GRID2: variants seen among roughly 807,000 people sequenced by gnomAD.
GRID2 encodes glutamate ionotropic receptor delta type subunit 2.
In GRID2, 33 loss-of-function variants were observed where a neutral mutation model predicts 114.8. The ratio of observed to expected loss-of-function variants is 0.29; its 90% confidence interval spans 0.22 to 0.38. GRID2 has a LOEUF of 0.38. GRID2 is among the 10% of genes least tolerant of loss of function. The pLI is 1.00. For missense variants in GRID2, 1,184 were observed against 1,257.7 expected (o/e 0.94, Z 0.89); for synonymous variants, 505 against 449.9 (o/e 1.12, Z -1.55).
Position 92,779,041 on chromosome 4 carries a change from T to C in GRID2, c.244+188755T>C, listed in dbSNP as rs1738939113. ...CACTGGAAATTTTCATTCTATCATA[T>C]GTATGAAATGTAAGGCAATATCAAA... On this transcript the variant is annotated intron_variant, in intron 2 of 15. Coordinates refer to ENST00000282020, the MANE Select transcript of GRID2 (RefSeq NM_001510.4). Among the ~76,000 whole-genome samples the C allele has an allele frequency of 2.0e-5, 3 of 152,068 alleles. No individual in the cohort carries two copies. The South Asian group carries it at 6.2e-4, about 31-fold the overall frequency.
At chr4:92,568,690 C>T (rs1727469847) in intron 1 of GRID2, among the ~76,000 whole-genome samples, 1 of 151,884 alleles carries the variant, frequency 6.6e-6, no homozygotes, top group South Asian at 2.1e-4. Context: ...GCCTAGTACC[C>T]ATTAGTTACA....
At chr4:93,648,405 G>T (rs190881864) in intron 14 of GRID2, among the ~76,000 whole-genome samples, 11 of 152,244 alleles carry the variant, frequency 7.2e-5, no homozygotes, top group Non-Finnish European at 1.3e-4. Context: ...AGAGGAAGAG[G>T]CTTTAGTAAA....
At chr4:92,735,375 T>A (rs1018760950) in intron 2 of GRID2, among the ~76,000 whole-genome samples, 10 of 152,064 alleles carry the variant, frequency 6.6e-5, no homozygotes, top group Non-Finnish European at 2.9e-5. Context: ...ACTAATAAGA[T>A]ACAACAATTA....
In GRID2 at chr4:92,352,112, C is replaced by T. The variant is rs181209004; in HGVS notation, c.88+47368C>T. On this transcript the variant is annotated intron_variant, in intron 1 of 15. Transcript: ENST00000282020. ...CCACACTGGGTGTACTAATTCCCAT[C>T]AACAGTGTATTAGATTTCCCTTTTC... Among the ~76,000 whole-genome samples, 136 of 151,956 alleles carry T rather than the reference C, an allele frequency of 8.9e-4. 1 individual carries two copies. Among genetic ancestry groups the T allele is most frequent in the African/African-American group, 3.1e-3 (127 of 41,504 alleles).
intron 1 of GRID2, among the ~76,000 whole-genome samples, chr4:93,794,041 A>G (rs967722049): frequency 6.6e-6 from 1 of 152,068 alleles, no homozygotes; most frequent in South Asian, 2.1e-4. Flanking sequence ...AAAAAAGAAT[A>G]TGATTTACCT....
At chr4:92,546,237 T>C (rs139163902) in intron 1 of GRID2, among the ~76,000 whole-genome samples, 16 of 152,292 alleles carry the variant, frequency 1.1e-4, no homozygotes, top group Non-Finnish European at 1.8e-4. Context: ...ATTGTAGATG[T>C]TGTTTTTTAA....
chr4:92,820,623 T>A (rs1007080305), intron 2 of GRID2, among the ~76,000 whole-genome samples: 1 of 152,114 alleles, frequency 6.6e-6, no homozygotes, highest in African/African-American at 2.4e-5. Context: ...CAGAATCCTA[T>A]AAATACCCTG....
chr4:92,442,897 T>A (rs930432415), intron 1 of GRID2, among the ~76,000 whole-genome samples: 2 of 152,036 alleles, frequency 1.3e-5, no homozygotes, highest in East Asian at 1.9e-4. Context: ...GGAGGGCTAG[T>A]CATGGAAGGA....
chr4:93,756,508 T>C (rs1048419779), intron 14 of GRID2, among the ~76,000 whole-genome samples: 2 of 152,166 alleles, frequency 1.3e-5, no homozygotes. Context: ...TCTCTTGGCT[T>C]GTAGGGAAGC....
intron 13 of GRID2, among the ~76,000 whole-genome samples, chr4:93,553,843 G>T (rs1004599219): frequency 2.0e-5 from 3 of 152,112 alleles, no homozygotes; most frequent in African/African-American, 7.2e-5. Flanking sequence ...TTTCTAAGAT[G>T]TTAATCTTCT....
At chr4:93,337,424 G>A (rs1248116712) in intron 8 of GRID2, among the ~76,000 whole-genome samples, 1 of 152,158 alleles carries the variant, frequency 6.6e-6, no homozygotes, top group Non-Finnish European at 1.5e-5. Context: ...GTGACACAGA[G>A]GAGCCCACAT....
intron 13 of GRID2, among the ~76,000 whole-genome samples, chr4:93,583,249 T>C (rs1737165514): frequency 6.6e-6 from 1 of 152,128 alleles, no homozygotes; most frequent in Non-Finnish European, 1.5e-5. Context: ...TGGACATGAA[T>C]TTCGAGGGGG....
At chr4:92,879,737 A>G (rs1234549525) in intron 2 of GRID2, among the ~76,000 whole-genome samples, 1 of 152,258 alleles carries the variant, frequency 6.6e-6, no homozygotes, top group African/African-American at 2.4e-5. Flanking sequence ...CTTTAATCAC[A>G]TTCAAATGTT....
chr4:92,858,332 T>C (rs938943810), intron 2 of GRID2, among the ~76,000 whole-genome samples: 3 of 152,178 alleles, frequency 2.0e-5, no homozygotes, highest in African/African-American at 7.2e-5. Flanking sequence ...CTGGATGCCA[T>C]TCAGAACATT....
At chr4:92,438,527 T>C (rs1038128600) in intron 1 of GRID2, among the ~76,000 whole-genome samples, 2 of 152,056 alleles carry the variant, frequency 1.3e-5, no homozygotes, top group African/African-American at 4.8e-5. Flanking sequence ...CATTATACTG[T>C]AAGGATTCTA....
intron 2 of GRID2, among the ~76,000 whole-genome samples, chr4:92,732,228 G>C (rs1265717031): frequency 6.6e-6 from 1 of 151,794 alleles, no homozygotes; most frequent in East Asian, 1.9e-4. Context: ...AATTTTTTTA[G>C]TGTTCTGTCA....
intron 8 of GRID2, among the ~76,000 whole-genome samples, chr4:93,363,742 C>A (rs533546068): frequency 2.0e-5 from 3 of 152,074 alleles, no homozygotes; most frequent in African/African-American, 7.2e-5. Flanking sequence ...CTACAACAAT[C>A]TGTTTTTCTT....
intron 8 of GRID2, among the ~76,000 whole-genome samples, chr4:93,297,691 G>A (rs534071539): frequency 6.6e-6 from 1 of 152,218 alleles, no homozygotes; most frequent in South Asian, 2.1e-4. Context: ...AGGGCCTAAT[G>A]TTGTGCCAGC....
intron 8 of GRID2, among the ~76,000 whole-genome samples, chr4:93,240,380 A>G (rs527355711): frequency 5.3e-5 from 8 of 151,692 alleles, no homozygotes; most frequent in Non-Finnish European, 1.0e-4. Flanking sequence ...TGATTATGAA[A>G]CAGTCTGCAC....
Sources: allele counts gnomAD v4.1 joint callset (sites outside exome capture counted in the v4.1 genomes callset), GRCh38; gene constraint gnomAD v4.1.1; transcripts MANE v1.5; gene names NCBI Gene and HGNC (gene_info 2026-07-23, HGNC 2026-07-21).